The following FSHR variants were observed in gnomAD, a reference collection of about 807,000 sequenced individuals.
The protein encoded by FSHR is follicle-stimulating hormone receptor.
In FSHR, 46 loss-of-function variants were observed where a neutral mutation model predicts 52.1. The observed-to-expected ratio is 0.88, with a 90% CI of 0.70 to 1.13. FSHR has a LOEUF of 1.13. FSHR is among the 50% of genes most tolerant of loss of function. The pLI is 0.00. For synonymous variants in FSHR, 399 were observed against 309.6 expected, an observed-to-expected ratio of 1.29 and a Z score of -3.03; for missense variants, 964 against 834.6, an observed-to-expected ratio of 1.16 and a Z score of -1.91.
chr2:49,018,702 T>A (rs1019757761), intron 3 of FSHR, among the ~76,000 whole-genome samples: 9 of 151,488 alleles, frequency 5.9e-5, no homozygotes, highest in Non-Finnish European at 1.3e-4. Flanking sequence ...AGAGGGAGGG[T>A]GAACATCACT....
rs1397826876 is a variant in FSHR, at chr2:48,996,121, G to A, written c.375-5484C>T. On this transcript the variant is annotated intron_variant, in intron 4 of 9. Transcript: ENST00000406846. The stretch of plus-strand genomic sequence containing the variant: ...GAACTCTTTTCTCTACCTACTAATT[G>A]GTTTCCTATGATATAGGATTTGTTT... Among the ~76,000 whole-genome samples, 3 of 152,168 alleles carry A rather than the reference G, an allele frequency of 2.0e-5. No homozygotes were observed. The East Asian group carries it at 5.8e-4, about 29-fold the overall frequency.
At chr2:48,982,100 C>A (rs561622998) in intron 8 of FSHR, among the ~76,000 whole-genome samples, 20 of 152,232 alleles carry the variant, frequency 1.3e-4, no homozygotes, top group Admixed American at 2.0e-4. Flanking sequence ...TTTTAAAAAG[C>A]CTTTTTGTGA....
At chr2:48,980,128 G>C (rs1418981306) in intron 8 of FSHR, among the ~76,000 whole-genome samples, 1 of 152,206 alleles carries the variant, frequency 6.6e-6, no homozygotes, top group Non-Finnish European at 1.5e-5. Flanking sequence ...AGAAAGGGGG[G>C]CTTGATGTTA....
intron 4 of FSHR, among the ~76,000 whole-genome samples, chr2:49,011,199 A>G (rs1461432531): frequency 6.6e-6 from 1 of 150,416 alleles, no homozygotes; most frequent in African/African-American, 2.4e-5. Context: ...CACTGCTTTG[A>G]ATGCGTCCCA....
At chr2:48,976,771 G>C (rs1269792322) in intron 8 of FSHR, among the ~76,000 whole-genome samples, 1 of 152,168 alleles carries the variant, frequency 6.6e-6, no homozygotes, top group Non-Finnish European at 1.5e-5. Context: ...TATTTGCATA[G>C]AGGTGTTTAT....
intron 1 of FSHR, among the ~76,000 whole-genome samples, chr2:49,117,022 A>G (rs1671624860): frequency 6.6e-6 from 1 of 152,220 alleles, no homozygotes; most frequent in Non-Finnish European, 1.5e-5. Flanking sequence ...TTCTTTGCCT[A>G]CCATTGTGTA....
At chr2:49,095,904 A>G (rs1290931302) in intron 1 of FSHR, among the ~76,000 whole-genome samples, 2 of 152,174 alleles carry the variant, frequency 1.3e-5, no homozygotes, top group Non-Finnish European at 2.9e-5. Flanking sequence ...CAGATAAAAT[A>G]ATCACAATGA....
intron 1 of FSHR, among the ~76,000 whole-genome samples, chr2:49,108,541 A>C (rs1026988219): frequency 6.6e-5 from 10 of 152,136 alleles, no homozygotes; most frequent in Admixed American, 6.6e-4. Context: ...CTGGCTGCAA[A>C]CTAGGCAGAA....
At chr2:49,093,350 T>G (rs138834178) in intron 1 of FSHR, among the ~76,000 whole-genome samples, 2 of 152,316 alleles carry the variant, frequency 1.3e-5, no homozygotes, top group Admixed American at 1.3e-4. Context: ...TGTATCAGTT[T>G]GTGATTCATG....
chr2:49,024,505 A>G (rs1384699947), intron 2 of FSHR, among the ~76,000 whole-genome samples: 1 of 152,126 alleles, frequency 6.6e-6, no homozygotes, highest in Non-Finnish European at 1.5e-5. Context: ...ACCTGGGAGG[A>G]GTTTGCAGTG....
chr2:49,092,000 C>T (rs1572733220), intron 1 of FSHR, among the ~76,000 whole-genome samples: 1 of 152,134 alleles, frequency 6.6e-6, no homozygotes, highest in African/African-American at 2.4e-5. Flanking sequence ...TGATTATGAA[C>T]ACAACACAGT....
intron 4 of FSHR, among the ~76,000 whole-genome samples, chr2:49,007,072 G>A (rs1434527286): frequency 6.6e-6 from 1 of 152,022 alleles, no homozygotes; most frequent in African/African-American, 2.4e-5. Context: ...TTACTGATTG[G>A]CCAATTCACT....
chr2:49,136,533 A>G (rs1447728277), intron 1 of FSHR, among the ~76,000 whole-genome samples: 1 of 152,146 alleles, frequency 6.6e-6, no homozygotes, highest in Non-Finnish European at 1.5e-5. Context: ...TTACTCAGAT[A>G]CCAAAAGCAG....
At chr2:49,004,666 G>T (rs1348978498) in intron 4 of FSHR, among the ~76,000 whole-genome samples, 1 of 152,124 alleles carries the variant, frequency 6.6e-6, no homozygotes, top group African/African-American at 2.4e-5. Context: ...GACCTGAAGA[G>T]ATTAGTACAT....
chr2:49,114,898 G>T (rs997103144), intron 1 of FSHR, among the ~76,000 whole-genome samples: 3 of 151,942 alleles, frequency 2.0e-5, no homozygotes, highest in Non-Finnish European at 4.4e-5. Context: ...AGGAAATGAG[G>T]ATCCTTTGAA....
At chr2:49,102,018 CA>C in intron 1 of FSHR, among the ~76,000 whole-genome samples, 1 of 152,196 alleles carries the variant, frequency 6.6e-6, no homozygotes, top group East Asian at 1.9e-4. Context: ...TCAATACTAC[CA>C]CATTGGGGAT....
At chr2:49,020,832 G>A (rs1236775193) in intron 2 of FSHR, among the ~76,000 whole-genome samples, 3 of 152,036 alleles carry the variant, frequency 2.0e-5, no homozygotes, top group Admixed American at 2.0e-4. Flanking sequence ...AATGTCTAAC[G>A]TAGGAACAGA....
In FSHR at chr2:49,037,038, C is replaced by G. The variant is rs927837955; in HGVS notation, c.225-16878G>C. On this transcript the variant is annotated intron_variant, in intron 2 of 9. Coordinates refer to ENST00000406846, the MANE Select transcript of FSHR (RefSeq NM_000145.4). ...TTCAAAACCCACTTGGGAACATGAG[C>G]CCAAGTTCCACAGTTCTTTGAGAAG... Among the ~76,000 whole-genome samples, 50 of 152,118 alleles carry G rather than the reference C, an allele frequency of 3.3e-4. 2 individuals carry two copies.
intron 1 of FSHR, among the ~76,000 whole-genome samples, 151 bp downstream of exon 1, chr2:49,154,110 AGGGTT>A (rs1673160198): frequency 6.6e-6 from 1 of 152,140 alleles, no homozygotes; most frequent in Admixed American, 6.5e-5. Context: ...CACAGGCAGG[AGGGTT>A]GGGCTGGGGA....
Sources: allele counts gnomAD v4.1 joint callset (sites outside exome capture counted in the v4.1 genomes callset), GRCh38; gene constraint gnomAD v4.1.1; transcripts MANE v1.5; gene names NCBI Gene and HGNC (gene_info 2026-07-23, HGNC 2026-07-21).